ZBTB46: variants seen among roughly 807,000 people sequenced by gnomAD.
ZBTB46 encodes zinc finger and BTB domain containing 46, also known as zinc finger and BTB domain-containing protein 46.
A neutral mutation model predicts 44.1 loss-of-function variants in ZBTB46; 8 were observed. The observed-to-expected ratio is 0.18, with a 90% CI of 0.11 to 0.33. The LOEUF is 0.33. ZBTB46 is among the 10% of genes least tolerant of loss of function. The probability of loss-of-function intolerance (pLI) is 1.00; values close to 1 mark genes in which losing one functional copy is unlikely to be tolerated. For synonymous variants in ZBTB46, 409 were observed against 382.3 expected (o/e 1.07, Z -0.81); for missense variants, 651 against 847.7 (o/e 0.77, Z 2.88).
intron 2 of ZBTB46, among the ~76,000 whole-genome samples, chr20:63,785,413 T>C (rs1021544201): frequency 6.6e-6 from 1 of 150,988 alleles, no homozygotes; most frequent in African/African-American, 2.4e-5. Flanking sequence ...ATACAGAAAT[T>C]AGCCGGGCGT....
chr20:63,790,297 G>A lies in ZBTB46; in HGVS notation c.461C>T (p.Thr154Met), dbSNP rs751613846. 2.5e-6 allele frequency: 4 copies of A among 1,613,000 alleles called. No individual in the cohort carries two copies. The highest frequency in any genetic ancestry group is 2.2e-5 in the East Asian group (1 of 44,880). The change falls in exon 2 of 5, where the codon ACG becomes ATG. Residue 154 changes from threonine (T) to methionine (M), a missense_variant. Thr to Met is a moderately conservative substitution (Grantham distance 81, BLOSUM62 -1). This residue lies in a region of ZBTB46 where 385 missense variants were observed against 423.3 expected (regional missense o/e 0.91). Coordinates refer to ENST00000245663, the MANE Select transcript of ZBTB46 (RefSeq NM_001369741.1). ...CATCACGGCCGAGATGAGAGCTTCCGTGCTGCTGCTGGACGAGGCGCCGAT... is the reference window on the plus strand; with the variant it reads ...CATCACGGCCGAGATGAGAGCTTCCATGCTGCTGCTGGACGAGGCGCCGAT... ...FEIGASSSSS[T>M]EALISAVMAG...
At position 63,803,427 on chromosome 20, in the gene ZBTB46, G is replaced by A. The variant is rs751070685; in HGVS notation, c.-33-12637C>T. On this transcript the variant is annotated intron_variant, in intron 1 of 4. Transcript: ENST00000245663. This position sits in a 1 kb window ranked among gnomAD's most constrained non-coding sequence, Gnocchi z 4.0. ...GTTAGCAGAGTCGTCTTTCGACAGC[G>A]AGACCGGTGGTACTATCCACATCAT... The A allele has an allele frequency of 5.1e-6, 5 of 985,396 alleles. No homozygotes were observed. Among genetic ancestry groups the A allele is most frequent in the Non-Finnish European group, 6.0e-6 (5 of 829,926 alleles). The allele number at this position is 985,396 out of a possible 1,614,324, so 61.0% of individuals were successfully genotyped here.
Position 63,752,061 on chromosome 20 carries a change from G to A in ZBTB46, c.1398+625C>T, listed in dbSNP as rs532660990. ...GAGCTCCCCCTGCACCCTGCGCCTCGGGGTGGGCGTTCCAGGACTCCCCGA... is the reference window on the plus strand; with the variant it reads ...GAGCTCCCCCTGCACCCTGCGCCTCAGGGTGGGCGTTCCAGGACTCCCCGA... On this transcript the variant is annotated intron_variant, in intron 4 of 4. Coordinates refer to ENST00000245663, the MANE Select transcript of ZBTB46 (RefSeq NM_001369741.1). The surrounding 1 kb of genome is among the most constrained non-coding windows in gnomAD (Gnocchi z 5.6). Among the ~76,000 whole-genome samples the A allele has an allele frequency of 4.4e-3, 671 of 152,080 alleles. 3 individuals are homozygous for A. The highest frequency in any genetic ancestry group is 0.014 in the Middle Eastern group (4 of 294).
At chr20:63,748,494 C>G (rs916073925) in intron 4 of ZBTB46, among the ~76,000 whole-genome samples, 1 of 152,206 alleles carries the variant, frequency 6.6e-6, no homozygotes. Context: ...CGGGCACCCT[C>G]GGCCACGCCA....
chr20:63,808,850 G>T (rs2092699316), intron 1 of ZBTB46, among the ~76,000 whole-genome samples: 1 of 151,590 alleles, frequency 6.6e-6, no homozygotes, highest in African/African-American at 2.4e-5. Context: ...TGGTGGGGGC[G>T]CCTGCAGTCC....
intron 1 of ZBTB46, among the ~76,000 whole-genome samples, chr20:63,795,178 T>C (rs528880598): frequency 1.1e-3 from 163 of 152,338 alleles, no homozygotes; most frequent in Non-Finnish European, 2.0e-3. Flanking sequence ...TTTACTTATA[T>C]ATCACGAATC....
chr20:63,746,588 C>T lies in ZBTB46; in HGVS notation c.*342G>A, dbSNP rs1176538563. Reference sequence around the variant, plus strand: ...CACCCCGCCCAGTGCCCACTGGACCCGGCCACAGGCCCATCACGTGTCCAA... The same window carrying T: ...CACCCCGCCCAGTGCCCACTGGACCTGGCCACAGGCCCATCACGTGTCCAA... On this transcript the variant is annotated 3_prime_UTR_variant, in exon 5 of 5. Coordinates refer to ENST00000245663, the MANE Select transcript of ZBTB46 (RefSeq NM_001369741.1). The T allele has an allele frequency of 3.9e-5, 11 of 279,108 alleles. No individual in the cohort carries two copies. The highest frequency in any genetic ancestry group is 1.9e-4 in the East Asian group (3 of 15,494). The allele number at this position is 279,108 out of a possible 1,614,324, so 17.3% of individuals were successfully genotyped here. A position where few individuals can be genotyped will look rare whatever the true frequency, so the allele number is the denominator to read the frequency against.
intron 1 of ZBTB46, among the ~76,000 whole-genome samples, chr20:63,793,938 G>A (rs1182368823): frequency 1.3e-5 from 2 of 152,176 alleles, no homozygotes; most frequent in African/African-American, 2.4e-5. Flanking sequence ...TGTAATCCCA[G>A]CACTTTGGGA....
chr20:63,826,088 C>CGT (rs772919192), intron 1 of ZBTB46, among the ~76,000 whole-genome samples: 66 of 152,332 alleles, frequency 4.3e-4, no homozygotes, highest in Non-Finnish European at 6.9e-4. Flanking sequence ...ACGCAGGCCT[C>CGT]GTGTGCAGCG....
rs773637058 is a variant in ZBTB46, at chr20:63,803,672, C to T, written c.-33-12882G>A. ...TCCAGCCCGGCTCTGACGCCCAGGCCGCCTCCTCCGCCTTCCCGAACCTGG... is the reference window on the plus strand; with the variant it reads ...TCCAGCCCGGCTCTGACGCCCAGGCTGCCTCCTCCGCCTTCCCGAACCTGG... On this transcript the variant is annotated intron_variant, in intron 1 of 4. Coordinates refer to ENST00000245663, the MANE Select transcript of ZBTB46 (RefSeq NM_001369741.1). This position sits in a 1 kb window ranked among gnomAD's most constrained non-coding sequence, Gnocchi z 4.0. Among the ~76,000 whole-genome samples, 5 of 152,116 alleles carry T rather than the reference C, an allele frequency of 3.3e-5. No homozygotes were observed. The highest frequency in any genetic ancestry group is 6.5e-5 in the Admixed American group (1 of 15,276).
chr20:63,796,599 G>A (rs560941992), intron 1 of ZBTB46, among the ~76,000 whole-genome samples: 1 of 152,370 alleles, frequency 6.6e-6, no homozygotes, highest in East Asian at 1.9e-4. Flanking sequence ...GCCGAGGCGG[G>A]CGGATCACCT....
chr20:63,754,293 CAA>C (rs2092199195), intron 3 of ZBTB46, among the ~76,000 whole-genome samples: 1 of 152,164 alleles, frequency 6.6e-6, no homozygotes. Context: ...GAGTCAGTAA[CAA>C]GAGACTTCTC....
At chr20:63,756,559 T>A (rs1238023564) in intron 3 of ZBTB46, among the ~76,000 whole-genome samples, 1 of 152,246 alleles carries the variant, frequency 6.6e-6, no homozygotes, top group Non-Finnish European at 1.5e-5. Context: ...CTGTCCAGAT[T>A]ATTTTCAAAA....
At chr20:63,777,331 G>A (rs2092434215) in intron 2 of ZBTB46, among the ~76,000 whole-genome samples, 1 of 152,182 alleles carries the variant, frequency 6.6e-6, no homozygotes, top group Admixed American at 6.5e-5. Flanking sequence ...GCTGAGTGTG[G>A]TGGGTTGTGC....
intron 1 of ZBTB46, among the ~76,000 whole-genome samples, chr20:63,809,165 G>A (rs946748204): frequency 6.6e-6 from 1 of 152,144 alleles, no homozygotes; most frequent in African/African-American, 2.4e-5. Flanking sequence ...CTTCGCCATG[G>A]GCTTGGCCGA....
intron 4 of ZBTB46, among the ~76,000 whole-genome samples, chr20:63,748,397 T>A (rs2315646): frequency 1.3e-5 from 2 of 151,944 alleles, no homozygotes; most frequent in East Asian, 1.9e-4. Context: ...GGGCTTCCGC[T>A]GAGGGTGGGT....
chr20:63,821,492 T>C (rs1343493023), intron 1 of ZBTB46, among the ~76,000 whole-genome samples: 1 of 147,710 alleles, frequency 6.8e-6, no homozygotes, highest in Non-Finnish European at 1.5e-5. Flanking sequence ...CAGGCTGGAG[T>C]GCAATGGTGC....
At chr20:63,804,322 C>T (rs988540975) in intron 1 of ZBTB46, among the ~76,000 whole-genome samples, 1 of 152,170 alleles carries the variant, frequency 6.6e-6, no homozygotes, top group Admixed American at 6.5e-5. Flanking sequence ...GCCGGGGCAG[C>T]TGAGCTCCTA....
In ZBTB46 at chr20:63,746,903, A is replaced by T; in HGVS notation, c.*27T>A. On this transcript the variant is annotated 3_prime_UTR_variant, in exon 5 of 5. Coordinates refer to ENST00000245663, the MANE Select transcript of ZBTB46 (RefSeq NM_001369741.1). ...CACACACGGGTGGACGGAGCGAGGC[A>T]GCCACCGACCCTGCCGGCGGGCGGG... is the stretch of plus-strand genomic sequence containing the variant. 1 of 1,497,078 alleles carries T rather than the reference A, an allele frequency of 6.7e-7. No homozygotes were observed. The highest frequency in any genetic ancestry group is 8.9e-7 in the Non-Finnish European group (1 of 1,124,438). 92.7% of individuals were successfully genotyped at this position (1,497,078 alleles called of 1,614,324 possible). A position where few individuals can be genotyped will look rare whatever the true frequency, so the allele number is the denominator to read the frequency against.
Sources: gnomAD v4.1 joint callset for allele counts (sites outside exome capture counted in the v4.1 genomes callset) on GRCh38, gnomAD v4.1.1 for gene constraint, gnomAD v4.1.1 regional missense constraint, Gnocchi (gnomAD v3.1) non-coding constraint, MANE v1.5 for transcripts, NCBI Gene and HGNC (gene_info 2026-07-23, HGNC 2026-07-21) for gene names.